The following NUP210 variants were observed in gnomAD, a reference collection of about 807,000 sequenced individuals.
The protein encoded by NUP210 is nuclear pore membrane glycoprotein 210.
Under a neutral mutation model 196.0 loss-of-function variants are expected in NUP210, and 151 were observed. That is an observed-to-expected ratio of 0.77 (90% confidence interval 0.67 to 0.88). The LOEUF (loss-of-function observed/expected upper bound fraction) is 0.88, where lower values mean the gene tolerates loss of function less well. Among genes scored for constraint, NUP210 ranks in the 40% least tolerant of loss-of-function variants. The pLI is 0.00. For synonymous variants in NUP210, 1,070 were observed against 1,052.7 expected, an observed-to-expected ratio of 1.02 and a Z score of -0.32; for missense variants, 2,314 against 2,493.7, an observed-to-expected ratio of 0.93 and a Z score of 1.53.
Position 13,420,307 on chromosome 3 carries a change from C to T in NUP210, c.-81G>A. On this transcript the variant is annotated 5_prime_UTR_variant, in exon 1 of 40. Transcript: ENST00000254508. The surrounding 1 kb of genome is among the most constrained non-coding windows in gnomAD (Gnocchi z 4.8). ...TGCCCTCCGCTCCCGCCCGCGCGCG[C>T]GCCAGGCCAGCAGGTGATGAGCGCG... 2 of 929,606 alleles carry T rather than the reference C, an allele frequency of 2.2e-6. No homozygotes were observed. Among genetic ancestry groups the T allele is most frequent in the Non-Finnish European group, 2.6e-6 (2 of 775,378 alleles). The allele number at this position is 929,606 out of a possible 1,614,324, so 57.6% of individuals were successfully genotyped here.
In NUP210 at chr3:13,366,060, G is replaced by A. The variant is rs746921361; in HGVS notation, c.1818C>T (p.Ser606=). The A allele has an allele frequency of 1.8e-5, 29 of 1,614,128 alleles. No individual in the cohort carries two copies. The African/African-American group carries it at 1.9e-4, about 10-fold the overall frequency. Residue 606 remains serine (S), a synonymous_variant, in exon 14 of 40, where the codon AGC becomes AGT. Transcript: ENST00000254508. The part of the protein sequence containing the change: ...GRLPPGSEHC[S]GIRVKAEAQG... Reference sequence around the variant, plus strand: ...GGGCCTCGGCCTTTACCCGGATGCCGCTGCAGTGCTCAGAGCCTGGCGGCA... The same window carrying A: ...GGGCCTCGGCCTTTACCCGGATGCCACTGCAGTGCTCAGAGCCTGGCGGCA...
At chr3:13,318,020 G>A (rs923248252) in intron 39 of NUP210, among the ~76,000 whole-genome samples, 12 of 152,152 alleles carry the variant, frequency 7.9e-5, no homozygotes, top group African/African-American at 1.4e-4. Context: ...CGGGGAGAAC[G>A]TGTCTCAAGT....
At chr3:13,322,379 A>G (rs1696575835) in intron 34 of NUP210, 40 bp from the exon 35 acceptor site, 9 of 1,606,716 alleles carry the variant, frequency 5.6e-6, no homozygotes, top group Non-Finnish European at 7.7e-6. Flanking sequence ...GCCAGGCCCG[A>G]TGGCCACCAC....
chr3:13,352,271 T>TTTG, intron 18 of NUP210, 87 bp from the exon 19 acceptor site: 1 of 974,340 alleles, frequency 1.0e-6, no homozygotes, highest in Non-Finnish European at 1.6e-6. Flanking sequence ...CCCTAGGGCC[T>TTTG]GGCCTTGCTC....
Position 13,348,584 on chromosome 3 carries a change from G to T in NUP210, c.2835+3295C>A. 1 of 985,228 alleles carries T rather than the reference G, an allele frequency of 1.0e-6. No homozygotes were observed. The highest frequency in any genetic ancestry group is 1.2e-6 in the Non-Finnish European group (1 of 829,764). 61.0% of individuals were successfully genotyped at this position (985,228 alleles called of 1,614,324 possible). A position where few individuals can be genotyped will look rare whatever the true frequency, so the allele number is the denominator to read the frequency against. On this transcript the variant is annotated intron_variant, in intron 20 of 39. Coordinates refer to ENST00000254508, the MANE Select transcript of NUP210 (RefSeq NM_024923.4). The surrounding 1 kb of genome is among the most constrained non-coding windows in gnomAD (Gnocchi z 4.0). Reference sequence around the variant, plus strand: ...TTAAGATGTAAGATTCTCTTCACTCGCATGGCTGGAGGAAGAGCTGGGGAA... The same window carrying T: ...TTAAGATGTAAGATTCTCTTCACTCTCATGGCTGGAGGAAGAGCTGGGGAA...
Position 13,376,435 on chromosome 3 carries a change from G to C in NUP210, c.1153-4C>G, listed in dbSNP as rs770016946. 6.2e-7 allele frequency: 1 copy of C among 1,614,198 alleles called. No individual in the cohort carries two copies. The highest frequency in any genetic ancestry group is 8.5e-7 in the Non-Finnish European group (1 of 1,180,012). Reference sequence around the variant, plus strand: ...GCACAGTTTCAATTCGGATGTTCTGGAAGGTGAGGCAGGACAGGAGAGAGG... The same window carrying C: ...GCACAGTTTCAATTCGGATGTTCTGCAAGGTGAGGCAGGACAGGAGAGAGG... On this transcript the variant is annotated splice_polypyrimidine_tract_variant and splice_region_variant and intron_variant, in intron 9 of 39. Coordinates refer to ENST00000254508, the MANE Select transcript of NUP210 (RefSeq NM_024923.4).
Position 13,399,831 on chromosome 3 carries a change from G to A in NUP210, c.198C>T (p.Ile66=), listed in dbSNP as rs753749785. ...WLSTRPEVAS[I]EPLGLDEQQC... is the part of the protein sequence containing the mutation. ...GCTGCTCGTCCAGGCCCAGCGGCTC[G>A]ATGCTGGCCACCTCCGGCCGGGTGG... Residue 66 remains isoleucine, a synonymous_variant, in exon 2 of 40, where the codon ATC becomes ATT. Coordinates refer to ENST00000254508, the MANE Select transcript of NUP210 (RefSeq NM_024923.4). 11 of 1,612,058 alleles carry A rather than the reference G, an allele frequency of 6.8e-6. No individual in the cohort carries two copies. The highest frequency in any genetic ancestry group is 4.5e-5 in the East Asian group (2 of 44,876).
chr3:13,366,156 T>C (rs1698527821), intron 13 of NUP210, 65 bp from the exon 14 acceptor site: 1 of 1,506,110 alleles, frequency 6.6e-7, no homozygotes, highest in South Asian at 1.2e-5. Context: ...TGAGATGGAG[T>C]CTCGCTGTGT....
rs1214688180 is a variant in NUP210 at position 13,371,805 on chromosome 3, C to G, written c.1786+29G>C. 1.9e-6 allele frequency: 3 copies of G among 1,574,056 alleles called. No individual in the cohort carries two copies. In the African/African-American group the frequency reaches 4.0e-5, roughly 21 times the overall value. On this transcript the variant is annotated intron_variant, in intron 13 of 39. Coordinates refer to ENST00000254508, the MANE Select transcript of NUP210 (RefSeq NM_024923.4). ...GACAATCTGGCCCCAATCCCAGTAT[C>G]TGGCACCTGCTCAGCAGCGCTGGTT...
chr3:13,389,064 C>T (rs1013778911), intron 4 of NUP210, among the ~76,000 whole-genome samples: 1 of 152,234 alleles, frequency 6.6e-6, no homozygotes, highest in Admixed American at 6.5e-5. Context: ...TCCCACGCAG[C>T]CTCCCACTTC....
chr3:13,382,046 C>A (rs539737151), intron 6 of NUP210, among the ~76,000 whole-genome samples: 2 of 152,246 alleles, frequency 1.3e-5, no homozygotes, highest in African/African-American at 4.8e-5. Flanking sequence ...CCTTCTACAA[C>A]TGAGTCTCTG....
At chr3:13,419,209 C>T (rs1006510000) in intron 1 of NUP210, among the ~76,000 whole-genome samples, 11 of 152,164 alleles carry the variant, frequency 7.2e-5, no homozygotes, top group African/African-American at 2.7e-4. Context: ...GTGGGAAGGG[C>T]GGAAGCCCAT....
At chr3:13,366,847 A>G (rs113888097) in intron 13 of NUP210, among the ~76,000 whole-genome samples, 88,742 of 151,436 alleles carry the variant, frequency 0.59, 27,333 homozygotes, top group African/African-American at 0.78. Context: ...TAATTCAGCC[A>G]GGCACGGTGG....
chr3:13,353,829 C>T, intron 17 of NUP210, 86 bp downstream of exon 17: 1 of 1,347,472 alleles, frequency 7.4e-7, no homozygotes, highest in Non-Finnish European at 1.0e-6. Flanking sequence ...GATAACTAAG[C>T]TCCCACAGGC....
intron 6 of NUP210, among the ~76,000 whole-genome samples, chr3:13,381,082 C>A (rs1308568345): frequency 6.6e-6 from 1 of 152,182 alleles, no homozygotes; most frequent in East Asian, 1.9e-4. Context: ...GAATGCACAG[C>A]CCACATCCTC....
chr3:13,376,165 C>T, intron 10 of NUP210, 126 bp downstream of exon 10: 2 of 908,540 alleles, frequency 2.2e-6, no homozygotes, highest in Non-Finnish European at 3.4e-6. Context: ...TGCAAGTAGC[C>T]CAAACAGGAA....
chr3:13,374,416 AC>A (rs1302338078), intron 11 of NUP210, among the ~76,000 whole-genome samples: 6 of 151,988 alleles, frequency 3.9e-5, no homozygotes, highest in African/African-American at 1.5e-4. Flanking sequence ...GCTCTAAAAC[AC>A]CTGTGGCCAC....
chr3:13,351,269 G>C (rs1697961995), intron 20 of NUP210, among the ~76,000 whole-genome samples: 1 of 152,180 alleles, frequency 6.6e-6, no homozygotes, highest in Non-Finnish European at 1.5e-5. Flanking sequence ...AGAAAGGTGA[G>C]ACATCTTTTA....
rs774509252 is a variant in NUP210 at position 13,388,373 on chromosome 3, G to A, written c.614C>T (p.Thr205Ile). 6.2e-7 allele frequency: 1 copy of A among 1,612,942 alleles called. No individual in the cohort carries two copies. Among genetic ancestry groups the A allele is most frequent in the Non-Finnish European group, 8.5e-7 (1 of 1,179,478 alleles). ...GGTCTTCATCCCAGACACCAGGATGGTGTCCCCTTGCTTGGCAGCCTTCTC... is the reference window on the plus strand; with the variant it reads ...GGTCTTCATCCCAGACACCAGGATGATGTCCCCTTGCTTGGCAGCCTTCTC... ...EMEKAAKQGD[T>I]ILVSGMKTGS... Residue 205 changes from threonine (T) to isoleucine (I), a missense_variant, in exon 5 of 40, where the codon ACC becomes ATC. Coordinates refer to ENST00000254508, the MANE Select transcript of NUP210 (RefSeq NM_024923.4).
Sources: gnomAD v4.1 joint callset for allele counts (sites outside exome capture counted in the v4.1 genomes callset) on GRCh38, gnomAD v4.1.1 for gene constraint, Gnocchi (gnomAD v3.1) non-coding constraint, MANE v1.5 for transcripts, NCBI Gene and HGNC (gene_info 2026-07-23, HGNC 2026-07-21) for gene names.